The following WDPCP variants were observed in gnomAD, a reference collection of about 807,000 sequenced individuals.
WDPCP encodes the protein WD repeat containing planar cell polarity effector, also known as WD repeat-containing and planar cell polarity effector protein fritz homolog.
In WDPCP, 71 loss-of-function variants were observed where a neutral mutation model predicts 93.1. The ratio of observed to expected loss-of-function variants is 0.76; its 90% CI spans 0.63 to 0.93. The LOEUF is 0.93. WDPCP is among the 40% of genes least tolerant of loss of function. The pLI, the probability that WDPCP is intolerant of heterozygous loss-of-function variation, is 0.00. For missense variants in WDPCP, 844 were observed against 887.4 expected (o/e 0.95, Z 0.62); for synonymous variants, 315 against 315.0 (o/e 1.00, Z 0.00).
intron 14 of WDPCP, among the ~76,000 whole-genome samples, chr2:63,175,935 G>C (rs1673768929): frequency 6.6e-6 from 1 of 152,008 alleles, no homozygotes; most frequent in South Asian, 2.1e-4. Flanking sequence ...CAGTGCTTTT[G>C]GACATATACT....
At chr2:63,399,387 C>T (rs1263468963) in intron 10 of WDPCP, among the ~76,000 whole-genome samples, 1 of 152,028 alleles carries the variant, frequency 6.6e-6, no homozygotes, top group East Asian at 1.9e-4. Context: ...CCCTCTAAAT[C>T]CCTACACTGA....
In WDPCP at chr2:63,439,861, C is replaced by T; in HGVS notation, c.395G>A (p.Gly132Asp). Residue 132 changes from glycine to aspartate, a missense_variant, in exon 7 of 18, where the codon GGT becomes GAT. Gly to Asp is a moderately conservative substitution (Grantham distance 94). Coordinates refer to ENST00000272321, the MANE Select transcript of WDPCP (RefSeq NM_015910.7). ...KNKYVCQLLF[G>D]SGVLVSLSLS... ...GCTTAGAGACACCAGCACACCTGAA[C>T]CAAAAAGGAGCTAAAACCAGGTAAG... 6.2e-7 allele frequency: 1 copy of T among 1,612,872 alleles called. No homozygotes were observed. Among genetic ancestry groups the T allele is most frequent in the Non-Finnish European group, 8.5e-7 (1 of 1,179,260 alleles).
Position 63,146,163 on chromosome 2 carries a change from T to C in WDPCP, c.2190+6751A>G, listed in dbSNP as rs183070781. 2.0e-5 allele frequency among the ~76,000 whole-genome samples: 3 copies of C among 152,334 alleles called. No homozygotes were observed. The East Asian group carries it at 5.8e-4, about 29-fold the overall frequency. ...ATGTTGTCTGCAAACAGGGATAGTTTGACTTCCTCTCTTCCTATTTGGATG... is the reference window on the plus strand; with the variant it reads ...ATGTTGTCTGCAAACAGGGATAGTTCGACTTCCTCTCTTCCTATTTGGATG... On this transcript the variant is annotated intron_variant, in intron 17 of 17. Coordinates refer to ENST00000272321, the MANE Select transcript of WDPCP (RefSeq NM_015910.7).
chr2:63,576,890 T>C (rs914686166), intron 1 of WDPCP, among the ~76,000 whole-genome samples: 1 of 152,122 alleles, frequency 6.6e-6, no homozygotes, highest in Non-Finnish European at 1.5e-5. Context: ...TAAATATCCA[T>C]CATTAACAGG....
At chr2:63,166,507 C>T (rs1419125413) in intron 15 of WDPCP, among the ~76,000 whole-genome samples, 1 of 152,110 alleles carries the variant, frequency 6.6e-6, no homozygotes, top group Non-Finnish European at 1.5e-5. Flanking sequence ...CGGGTTTCAG[C>T]GATTCTCATG....
chr2:63,565,297 G>T (rs1258476367), intron 1 of WDPCP, among the ~76,000 whole-genome samples: 2 of 152,114 alleles, frequency 1.3e-5, no homozygotes, highest in Non-Finnish European at 2.9e-5. Context: ...AATTTGTTAT[G>T]AATACATAGA....
intron 14 of WDPCP, among the ~76,000 whole-genome samples, chr2:63,211,528 C>G (rs555819722): frequency 1.3e-5 from 2 of 152,158 alleles, no homozygotes; most frequent in African/African-American, 4.8e-5. Flanking sequence ...AGCAGAAAAG[C>G]TGAAAATTCT....
chr2:63,643,342 G>T, intron 3 of WDPCP: 1 of 388,124 alleles, frequency 2.6e-6, no homozygotes, highest in Non-Finnish European at 4.9e-6. Flanking sequence ...CTTTCCTCAG[G>T]GAGGAGAAGT....
intron 14 of WDPCP, among the ~76,000 whole-genome samples, chr2:63,253,704 T>C (rs1042819671): frequency 3.9e-5 from 6 of 152,042 alleles, no homozygotes; most frequent in African/African-American, 1.5e-4. Flanking sequence ...CTCACACCAG[T>C]CAGAATGGCT....
chr2:63,250,426 C>G (rs1164870203), intron 14 of WDPCP, among the ~76,000 whole-genome samples: 1 of 152,008 alleles, frequency 6.6e-6, no homozygotes, highest in Non-Finnish European at 1.5e-5. Flanking sequence ...GTAATTGATA[C>G]CACAGAAAGG....
At chr2:63,520,058 G>GA (rs1212078294) in intron 1 of WDPCP, among the ~76,000 whole-genome samples, 3 of 152,126 alleles carry the variant, frequency 2.0e-5, no homozygotes, top group Non-Finnish European at 4.4e-5. Context: ...TGACAGAGCT[G>GA]AAAAACACAC....
At chr2:63,416,197 TTC>T (rs1276987361) in intron 9 of WDPCP, among the ~76,000 whole-genome samples, 2 of 127,134 alleles carry the variant, frequency 1.6e-5, no homozygotes, top group Non-Finnish European at 1.8e-5. Flanking sequence ...AATCTTTTTT[TTC>T]CTTTTTTTTT....
chr2:63,251,643 C>T (rs1387800105), intron 14 of WDPCP, among the ~76,000 whole-genome samples: 4 of 151,896 alleles, frequency 2.6e-5, no homozygotes, highest in Middle Eastern at 3.4e-3. Flanking sequence ...AGTCACTCAC[C>T]ATCATGCCTG....
At chr2:63,166,724 T>A (rs1673019973) in intron 15 of WDPCP, among the ~76,000 whole-genome samples, 1 of 152,206 alleles carries the variant, frequency 6.6e-6, no homozygotes, top group African/African-American at 2.4e-5. Context: ...AGGTAAACAA[T>A]GTGTAATAAG....
At position 63,665,786 on chromosome 2, in the gene WDPCP, G is replaced by C. The variant is rs148823492; in HGVS notation, n.309-14948C>G. On this transcript the variant is annotated intron_variant and non_coding_transcript_variant, in intron 2 of 4. Coordinates refer to the WDPCP transcript ENST00000467687. The stretch of plus-strand genomic sequence containing the variant: ...TGACATGGAGGAAGGGCTTAGGGGA[G>C]GACATGAGGGAATAAGCATAGACAA... Among the ~76,000 whole-genome samples, 159 of 152,324 alleles carry C rather than the reference G, an allele frequency of 1.0e-3. 1 individual carries two copies. Among genetic ancestry groups the C allele is most frequent in the African/African-American group, 3.8e-3 (157 of 41,572 alleles).
chr2:63,493,030 A>G (rs1575521376), intron 1 of WDPCP, 90 bp from the exon 2 acceptor site: 2 of 1,087,394 alleles, frequency 1.8e-6, no homozygotes, highest in East Asian at 2.5e-5. Context: ...AAAAAGAATC[A>G]TTCGCCACAA....
chr2:63,146,526 A>G (rs1671521404), intron 17 of WDPCP, among the ~76,000 whole-genome samples: 1 of 151,406 alleles, frequency 6.6e-6, no homozygotes, highest in Non-Finnish European at 1.5e-5. Context: ...CTACAGGCAC[A>G]CGCCACCATG....
At chr2:63,394,946 T>A (rs1439082712) in intron 10 of WDPCP, among the ~76,000 whole-genome samples, 1 of 151,994 alleles carries the variant, frequency 6.6e-6, no homozygotes, top group Non-Finnish European at 1.5e-5. Context: ...ACTGTACTTA[T>A]TACCTGGGTG....
At chr2:63,566,104 C>T (rs1167620188) in intron 1 of WDPCP, among the ~76,000 whole-genome samples, 1 of 152,178 alleles carries the variant, frequency 6.6e-6, no homozygotes, top group African/African-American at 2.4e-5. Flanking sequence ...TTTCCCTTTA[C>T]TTGGTTTGCA....
Sources: gnomAD v4.1 joint callset for allele counts (sites outside exome capture counted in the v4.1 genomes callset) on GRCh38, gnomAD v4.1.1 for gene constraint, MANE v1.5 for transcripts, NCBI Gene and HGNC (gene_info 2026-07-23, HGNC 2026-07-21) for gene names.